The following SLCO2A1 variants were observed in gnomAD, a reference collection of about 807,000 sequenced individuals.
SLCO2A1 encodes the protein matrin F/G 1.
Under a neutral mutation model 71.7 loss-of-function variants are expected in SLCO2A1, and 60 were observed. That is an observed-to-expected ratio of 0.84 (90% CI 0.68 to 1.04). The LOEUF is 1.04. Among genes scored for constraint, SLCO2A1 ranks in the 50% least tolerant of loss-of-function variants. The pLI is 0.00. For missense variants in SLCO2A1, 745 were observed against 813.4 expected (o/e 0.92, Z 1.02); for synonymous variants, 308 against 326.7 (o/e 0.94, Z 0.62).
chr3:133,948,754 C>T, intron 7 of SLCO2A1, 54 bp from the exon 8 acceptor site: 2 of 1,601,804 alleles, frequency 1.2e-6, no homozygotes, highest in Non-Finnish European at 1.7e-6. Flanking sequence ...TGCAGGCACA[C>T]CTAGGGGATG....
intron 1 of SLCO2A1, among the ~76,000 whole-genome samples, chr3:134,016,549 G>A (rs77338193): frequency 0.024 from 3,651 of 152,228 alleles, 132 homozygotes; most frequent in East Asian, 0.16. Flanking sequence ...ATACTGATGA[G>A]GTGTCACAGC....
chr3:133,939,010 CA>C (rs1559927770), intron 11 of SLCO2A1, among the ~76,000 whole-genome samples: 1 of 152,222 alleles, frequency 6.6e-6, no homozygotes, highest in East Asian at 1.9e-4. Context: ...CCTTGGGCTG[CA>C]GGCTTCTGTG....
At chr3:133,984,041 G>C (rs966242394) in intron 1 of SLCO2A1, among the ~76,000 whole-genome samples, 1 of 152,222 alleles carries the variant, frequency 6.6e-6, no homozygotes, top group Non-Finnish European at 1.5e-5. Flanking sequence ...TGAGAGTTCA[G>C]TTATGGAGCA....
chr3:133,954,974 A>G lies in SLCO2A1; in HGVS notation c.617T>C (p.Leu206Pro). The change falls in exon 4 of 14, where the codon CTG becomes CCG. Residue 206 changes from leucine to proline, a missense_variant. Leu to Pro is a moderately conservative substitution (Grantham distance 98). Transcript: ENST00000310926. ...DDFSEPSNSP[L>P]YISILFAISV... ...TCAAGCCGGTGACTCACAGATGTAC[A>G]GGGGCGAGTTGCTGGGCTCTGAGAA... 1 of 1,613,808 alleles carries G rather than the reference A, an allele frequency of 6.2e-7. No individual in the cohort carries two copies. The highest frequency in any genetic ancestry group is 8.5e-7 in the Non-Finnish European group (1 of 1,179,804).
chr3:133,955,310 C>T, intron 3 of SLCO2A1, 117 bp from the exon 4 acceptor site: 1 of 774,666 alleles, frequency 1.3e-6, no homozygotes, highest in Non-Finnish European at 2.0e-6. Context: ...TGGCCAGAGG[C>T]TGTGCTAGCA....
intron 1 of SLCO2A1, among the ~76,000 whole-genome samples, chr3:134,026,270 C>T (rs932620453): frequency 1.3e-5 from 2 of 151,792 alleles, no homozygotes; most frequent in African/African-American, 2.4e-5. Flanking sequence ...GAGAGAAATC[C>T]ATTTAGTAAA....
chr3:134,024,109 C>T (rs1476159626), intron 1 of SLCO2A1, among the ~76,000 whole-genome samples: 2 of 152,196 alleles, frequency 1.3e-5, no homozygotes, highest in African/African-American at 2.4e-5. Context: ...TGTTCATCCC[C>T]GAGCAGATGT....
intron 1 of SLCO2A1, among the ~76,000 whole-genome samples, chr3:134,009,526 A>G (rs1202371039): frequency 1.3e-5 from 2 of 152,258 alleles, no homozygotes; most frequent in Non-Finnish European, 2.9e-5. Flanking sequence ...ATAAAGCATT[A>G]TGCAGCTGAC....
chr3:133,955,222 C>A lies in SLCO2A1; in HGVS notation c.398-29G>T, dbSNP rs757956211. ...CAACGAGAGTGCTTGCTGGTCTCCA[C>A]CACCCTGGTCTCCTGGTTCCACCGG... On this transcript the variant is annotated intron_variant, in intron 3 of 13. Transcript: ENST00000310926. 10 of 1,579,128 alleles carry A rather than the reference C, an allele frequency of 6.3e-6. No individual in the cohort carries two copies. In the Admixed American group the frequency reaches 8.7e-5, roughly 14 times the overall value.
At chr3:133,963,831 A>C (rs554157533) in intron 3 of SLCO2A1, among the ~76,000 whole-genome samples, 2 of 152,184 alleles carry the variant, frequency 1.3e-5, no homozygotes, top group Non-Finnish European at 2.9e-5. Flanking sequence ...TTATTTCCTC[A>C]TCTCCTAAAT....
intron 3 of SLCO2A1, among the ~76,000 whole-genome samples, chr3:133,965,090 A>G (rs1315313134): frequency 6.6e-6 from 1 of 152,134 alleles, no homozygotes; most frequent in African/African-American, 2.4e-5. Context: ...TTGTTCACAG[A>G]TTTATTCAGT....
chr3:134,011,573 T>C (rs1048738157), intron 1 of SLCO2A1, among the ~76,000 whole-genome samples: 1 of 152,212 alleles, frequency 6.6e-6, no homozygotes, highest in African/African-American at 2.4e-5. Context: ...GTAGTTGCCA[T>C]ATACAAGGCT....
At chr3:133,962,510 C>A (rs1934063067) in intron 3 of SLCO2A1, among the ~76,000 whole-genome samples, 1 of 152,112 alleles carries the variant, frequency 6.6e-6, no homozygotes, top group Non-Finnish European at 1.5e-5. Flanking sequence ...AAGAAAAAGA[C>A]CTTGTATGAG....
chr3:134,010,283 C>T (rs371699189), intron 1 of SLCO2A1, among the ~76,000 whole-genome samples: 2 of 152,086 alleles, frequency 1.3e-5, no homozygotes, highest in Non-Finnish European at 2.9e-5. Flanking sequence ...AATTTATAAA[C>T]AAAAGGGGTT....
At chr3:133,938,663 G>T (rs1354768568) in intron 11 of SLCO2A1, among the ~76,000 whole-genome samples, 170 bp from the exon 12 acceptor site, 1 of 152,116 alleles carries the variant, frequency 6.6e-6, no homozygotes, top group African/African-American at 2.4e-5. Flanking sequence ...TACATCAGTG[G>T]CCTCAAAGCG....
intron 1 of SLCO2A1, among the ~76,000 whole-genome samples, chr3:134,012,714 C>T (rs750379479): frequency 2.0e-5 from 3 of 152,150 alleles, no homozygotes; most frequent in Admixed American, 6.5e-5. Context: ...TGAGCTCCAC[C>T]GCTGTGCAGA....
chr3:133,999,337 A>G (rs1188298809), intron 1 of SLCO2A1, among the ~76,000 whole-genome samples: 1 of 152,166 alleles, frequency 6.6e-6, no homozygotes, highest in Non-Finnish European at 1.5e-5. Context: ...CAGCTTGGAG[A>G]GATTTTATCA....
intron 12 of SLCO2A1, 31 bp from the exon 13 acceptor site, chr3:133,935,928 G>T (rs753197473): frequency 6.5e-7 from 1 of 1,545,334 alleles, no homozygotes; most frequent in South Asian, 1.3e-5. Flanking sequence ...CCCTGGTCAG[G>T]TGGAACTGCA....
At chr3:134,018,708 G>A (rs1424931766) in intron 1 of SLCO2A1, among the ~76,000 whole-genome samples, 1 of 152,136 alleles carries the variant, frequency 6.6e-6, no homozygotes, top group African/African-American at 2.4e-5. Flanking sequence ...ATTTTAAGGA[G>A]AAACAGAACT....
Sources: gnomAD v4.1 joint callset for allele counts (sites outside exome capture counted in the v4.1 genomes callset) on GRCh38, gnomAD v4.1.1 for gene constraint, MANE v1.5 for transcripts, NCBI Gene and HGNC (gene_info 2026-07-23, HGNC 2026-07-21) for gene names.